THEMIS: variants seen among roughly 807,000 people sequenced by gnomAD.
THEMIS encodes protein THEMIS.
A neutral mutation model predicts 52.6 loss-of-function variants in THEMIS; 37 were observed. The observed-to-expected ratio is 0.70, with a 90% CI of 0.54 to 0.93. THEMIS has a LOEUF of 0.93. THEMIS is among the 40% of genes least tolerant of loss of function. The probability of loss-of-function intolerance (pLI) is 0.00; values close to 1 mark genes in which losing one functional copy is unlikely to be tolerated. For missense variants in THEMIS, 808 were observed against 763.1 expected (o/e 1.06, Z -0.69); for synonymous variants, 292 against 272.7 (o/e 1.07, Z -0.70).
At chr6:127,703,795 A>T (rs1031836245), downstream of THEMIS, among the ~76,000 whole-genome samples, 2 of 152,236 alleles carry the variant, frequency 1.3e-5, no homozygotes, top group African/African-American at 4.8e-5. Flanking sequence ...GACAAAGAAC[A>T]GGTTATTGCA....
the THEMIS span, among the ~76,000 whole-genome samples, chr6:127,703,035 GTTTT>G: frequency 1.4e-3 from 113 of 82,342 alleles, no homozygotes; most frequent in African/African-American, 5.1e-3. Flanking sequence ...TTTAGAATGA[GTTTT>G]TTTTTTTTTT....
intron 2 of THEMIS, among the ~76,000 whole-genome samples, chr6:127,852,226 G>A (rs1325661016): frequency 6.6e-6 from 1 of 151,454 alleles, no homozygotes; most frequent in Non-Finnish European, 1.5e-5. Flanking sequence ...TACCATCAGA[G>A]CCTGCAAATA....
chr6:127,734,798 G>A (rs1774932330), intron 4 of THEMIS, among the ~76,000 whole-genome samples: 1 of 145,810 alleles, frequency 6.9e-6, no homozygotes, highest in Non-Finnish European at 1.5e-5. Flanking sequence ...GAACCCGAGA[G>A]GCTGAGGTTG....
At chr6:127,822,358 C>T (rs1778368476) in intron 3 of THEMIS, among the ~76,000 whole-genome samples, 1 of 152,014 alleles carries the variant, frequency 6.6e-6, no homozygotes, top group Non-Finnish European at 1.5e-5. Flanking sequence ...GAAAGCTATA[C>T]TGTGAATTTC....
chr6:127,788,694 T>C (rs1410696864), intron 4 of THEMIS, among the ~76,000 whole-genome samples: 1 of 152,230 alleles, frequency 6.6e-6, no homozygotes, highest in Non-Finnish European at 1.5e-5. Flanking sequence ...AGATTATTTC[T>C]TTCATCATTA....
intron 4 of THEMIS, among the ~76,000 whole-genome samples, chr6:127,805,268 G>A (rs941859887): frequency 1.3e-5 from 2 of 152,020 alleles, no homozygotes; most frequent in Admixed American, 6.6e-5. Flanking sequence ...CTTACAAAGA[G>A]GCTAAAAGCA....
At chr6:127,908,494 T>C (rs1781332423) in intron 1 of THEMIS, among the ~76,000 whole-genome samples, 1 of 152,162 alleles carries the variant, frequency 6.6e-6, no homozygotes, top group Non-Finnish European at 1.5e-5. Context: ...TTCTGCCTAC[T>C]GCTCGGTGCC....
chr6:127,782,570 C>T (rs1776782981), intron 4 of THEMIS, among the ~76,000 whole-genome samples: 1 of 152,222 alleles, frequency 6.6e-6, no homozygotes, highest in African/African-American at 2.4e-5. Flanking sequence ...TGACCCCTTG[C>T]ACTTCCCTGG....
At chr6:127,907,829 T>C (rs1781314190) in intron 1 of THEMIS, among the ~76,000 whole-genome samples, 1 of 79,230 alleles carries the variant, frequency 1.3e-5, no homozygotes, top group Non-Finnish European at 2.4e-5. Context: ...TGTACATTCT[T>C]CTTTTTATTT....
intron 4 of THEMIS, among the ~76,000 whole-genome samples, chr6:127,773,144 A>T (rs1385075130): frequency 1.3e-5 from 2 of 152,204 alleles, no homozygotes; most frequent in African/African-American, 2.4e-5. Flanking sequence ...AAGAGAATAG[A>T]ATTATGCCCT....
In THEMIS at chr6:127,787,016, G is replaced by C. The variant is rs535275776; in HGVS notation, c.1758+25867C>G. On this transcript the variant is annotated intron_variant, in intron 4 of 5. Coordinates refer to ENST00000368248, the MANE Select transcript of THEMIS (RefSeq NM_001010923.3). ...TCGATTCCAAGAGCATTGCCACTAT[G>C]TTAGCTGTTAGGAATCTCCCTGAAA... Among the ~76,000 whole-genome samples the C allele has an allele frequency of 3.3e-5, 5 of 152,116 alleles. No homozygotes were observed. In the South Asian group the frequency reaches 1.0e-3, roughly 32 times the overall value.
chr6:127,727,053 T>A (rs771731673), intron 4 of THEMIS, among the ~76,000 whole-genome samples: 26 of 152,170 alleles, frequency 1.7e-4, no homozygotes, highest in Non-Finnish European at 3.2e-4. Flanking sequence ...GCAAAATAAT[T>A]TGCGATTTTA....
In THEMIS at chr6:127,901,013, C is replaced by T; in HGVS notation, c.-81G>A. 9.3e-7 allele frequency: 1 copy of T among 1,072,476 alleles called. No individual in the cohort carries two copies. The highest frequency in any genetic ancestry group is 2.4e-5 in the East Asian group (1 of 42,060). 66.4% of individuals were successfully genotyped at this position (1,072,476 alleles called of 1,614,324 possible). A position where few individuals can be genotyped will look rare whatever the true frequency, so the allele number is the denominator to read the frequency against. ...GGTGACACTTGTCTGCAATTGCAGCCCCTGCTCACCATTTCTTCCTCAGGC... is the reference window on the plus strand; with the variant it reads ...GGTGACACTTGTCTGCAATTGCAGCTCCTGCTCACCATTTCTTCCTCAGGC... On this transcript the variant is annotated 5_prime_UTR_variant, in exon 1 of 6. Coordinates refer to ENST00000368248, the MANE Select transcript of THEMIS (RefSeq NM_001010923.3).
chr6:127,806,996 G>A (rs1425650119), intron 4 of THEMIS, among the ~76,000 whole-genome samples: 1 of 152,048 alleles, frequency 6.6e-6, no homozygotes, highest in Non-Finnish European at 1.5e-5. Context: ...ACAGACCTCT[G>A]GCAACTCAAA....
chr6:127,754,640 C>A (rs1775759879), intron 4 of THEMIS, among the ~76,000 whole-genome samples: 1 of 152,136 alleles, frequency 6.6e-6, no homozygotes, highest in South Asian at 2.1e-4. Context: ...TGCTCATCTT[C>A]AAACTAATAA....
chr6:127,792,346 A>C (rs531362454), intron 4 of THEMIS, among the ~76,000 whole-genome samples: 3 of 152,230 alleles, frequency 2.0e-5, no homozygotes, highest in Non-Finnish European at 2.9e-5. Context: ...CCAGAGAGAC[A>C]GGACGGCCAA....
At chr6:127,738,963 A>AT (rs1775102817) in intron 4 of THEMIS, among the ~76,000 whole-genome samples, 1 of 152,156 alleles carries the variant, frequency 6.6e-6, no homozygotes, top group South Asian at 2.1e-4. Flanking sequence ...CCTAATTAAA[A>AT]ATATATATAT....
chr6:127,874,102 C>T (rs948346022), intron 1 of THEMIS, among the ~76,000 whole-genome samples: 3 of 152,136 alleles, frequency 2.0e-5, no homozygotes, highest in African/African-American at 7.2e-5. Context: ...TATGATGGAA[C>T]GTTTGTACAC....
intron 4 of THEMIS, among the ~76,000 whole-genome samples, chr6:127,793,685 T>C (rs1324657813): frequency 1.3e-5 from 2 of 152,214 alleles, no homozygotes; most frequent in Non-Finnish European, 2.9e-5. Context: ...CTGTAGATAT[T>C]TCAAGGAACT....
Sources: allele counts gnomAD v4.1 joint callset (sites outside exome capture counted in the v4.1 genomes callset), GRCh38; gene constraint gnomAD v4.1.1; transcripts MANE v1.5; gene names NCBI Gene and HGNC (gene_info 2026-07-23, HGNC 2026-07-21).